GRID1: variants seen among roughly 807,000 people sequenced by gnomAD.
GRID1 encodes glutamate ionotropic receptor delta type subunit 1.
A neutral mutation model predicts 98.0 loss-of-function variants in GRID1; 28 were observed. The observed-to-expected ratio is 0.29, with a 90% CI of 0.21 to 0.39. GRID1 has a LOEUF of 0.39. Ranked by LOEUF, GRID1 falls within the 10% of genes least tolerant of loss-of-function variation. The pLI is 1.00. For missense variants in GRID1, 1,111 were observed against 1,340.5 expected (o/e 0.83, Z 2.67); for synonymous variants, 553 against 538.5 (o/e 1.03, Z -0.37).
rs1465590799 is a variant in GRID1, at chr10:85,613,635, C to A, written c.2373G>T (p.Leu791=). ...RDLFSQRILE[L]QDTGDLDVLK... is the part of the protein sequence containing the mutation. ...GCACATCCAGGTCCCCTGTGTCCTG[C>A]AGCTCCAGGATCCTGTAAGACACAA... is the stretch of plus-strand genomic sequence containing the variant. The change falls in exon 15 of 16, where the codon CTG becomes CTT. Residue 791 remains leucine (L), a synonymous_variant. Transcript: ENST00000327946. The A allele has an allele frequency of 6.2e-7, 1 of 1,613,652 alleles. No homozygotes were observed. The highest frequency in any genetic ancestry group is 1.7e-5 in the Admixed American group (1 of 60,004).
In GRID1 at chr10:85,957,457, G is replaced by T. The variant is rs554479521; in HGVS notation, c.727-41218C>A. Among the ~76,000 whole-genome samples, 5 of 152,248 alleles carry T rather than the reference G, an allele frequency of 3.3e-5. No homozygotes were observed. In the South Asian group the frequency reaches 1.0e-3, roughly 32 times the overall value. ...TTAGGTCTTGGTGTTCCCCCCGGTT[G>T]TATTAGGCAGTTAAGAAGGCATATC... On this transcript the variant is annotated intron_variant, in intron 4 of 15. Transcript: ENST00000327946.
intron 8 of GRID1, among the ~76,000 whole-genome samples, chr10:85,778,609 G>C (rs983068683): frequency 1.3e-5 from 2 of 152,190 alleles, no homozygotes; most frequent in African/African-American, 4.8e-5. Flanking sequence ...AGACAAGTTT[G>C]ACCTGTGTGC....
chr10:86,188,410 A>G (rs1012227946), intron 3 of GRID1, among the ~76,000 whole-genome samples: 53 of 152,198 alleles, frequency 3.5e-4, no homozygotes, highest in Non-Finnish European at 6.8e-4. Flanking sequence ...GCCCACCAGG[A>G]GAGCAGCCCT....
At chr10:85,920,671 T>C (rs1467948675) in intron 4 of GRID1, among the ~76,000 whole-genome samples, 13 of 152,244 alleles carry the variant, frequency 8.5e-5, no homozygotes, top group Admixed American at 2.0e-4. Context: ...TTGGCCACAG[T>C]GTGGATCGAG....
At chr10:85,827,299 G>T (rs1842828646) in intron 8 of GRID1, among the ~76,000 whole-genome samples, 1 of 151,996 alleles carries the variant, frequency 6.6e-6, no homozygotes, top group Non-Finnish European at 1.5e-5. Flanking sequence ...ATCAGATAGA[G>T]CTAAAAAACT....
chr10:85,644,352 T>C (rs1293757902), intron 13 of GRID1, among the ~76,000 whole-genome samples: 2 of 152,220 alleles, frequency 1.3e-5, no homozygotes, highest in Non-Finnish European at 2.9e-5. Context: ...TTCTCTCTTC[T>C]CTGCTGCTCT....
chr10:86,121,514 TCAC>T, intron 4 of GRID1, among the ~76,000 whole-genome samples: 1 of 2,024 alleles, frequency 4.9e-4, no homozygotes, highest in Non-Finnish European at 1.1e-3. Context: ...ACCATCATCA[TCAC>T]TACCATCATC....
intron 8 of GRID1, among the ~76,000 whole-genome samples, chr10:85,773,702 C>T (rs577139108): frequency 1.8e-4 from 28 of 152,316 alleles, no homozygotes; most frequent in South Asian, 1.0e-3. Flanking sequence ...AGAGCCAAAT[C>T]ATGAGTGAAC....
intron 2 of GRID1, among the ~76,000 whole-genome samples, chr10:86,218,745 C>A (rs542937759): frequency 6.6e-6 from 1 of 152,330 alleles, no homozygotes; most frequent in South Asian, 2.1e-4. Flanking sequence ...AACACAGGCC[C>A]TTCCTCTGAT....
chr10:86,013,109 C>T (rs1842939891), intron 4 of GRID1, among the ~76,000 whole-genome samples: 1 of 152,292 alleles, frequency 6.6e-6, no homozygotes, highest in East Asian at 1.9e-4. Flanking sequence ...TCCAGTGGGA[C>T]CTCAGACCTA....
chr10:85,760,364 T>C (rs1004786490), intron 8 of GRID1, among the ~76,000 whole-genome samples: 1 of 152,224 alleles, frequency 6.6e-6, no homozygotes, highest in African/African-American at 2.4e-5. Flanking sequence ...TCACTGTAAG[T>C]GGAAATAGTG....
At chr10:85,705,602 G>A (rs1255915432) in intron 12 of GRID1, among the ~76,000 whole-genome samples, 4 of 152,120 alleles carry the variant, frequency 2.6e-5, no homozygotes, top group Admixed American at 6.5e-5. Flanking sequence ...TCCCTAACTC[G>A]TTTTATGAGG....
chr10:86,346,299 A>C (rs1403016794), intron 2 of GRID1, among the ~76,000 whole-genome samples: 1 of 152,216 alleles, frequency 6.6e-6, no homozygotes, highest in Non-Finnish European at 1.5e-5. Context: ...TGCTTTCTCC[A>C]GCTGAAATTA....
chr10:85,831,422 C>G (rs980325084), intron 8 of GRID1, among the ~76,000 whole-genome samples: 1 of 151,586 alleles, frequency 6.6e-6, no homozygotes, highest in Admixed American at 6.6e-5. Flanking sequence ...CATATATACC[C>G]CTGAAGCTAA....
At chr10:85,907,454 C>A (rs141218887) in intron 5 of GRID1, among the ~76,000 whole-genome samples, 1 of 152,276 alleles carries the variant, frequency 6.6e-6, no homozygotes, top group East Asian at 1.9e-4. Context: ...GGAAAAATTT[C>A]TGGAAAGACA....
intron 4 of GRID1, among the ~76,000 whole-genome samples, chr10:86,024,778 C>T (rs543579232): frequency 6.6e-6 from 1 of 152,296 alleles, no homozygotes; most frequent in South Asian, 2.1e-4. Context: ...CCCCATCACT[C>T]ACTTCTGGTC....
At chr10:85,886,656 A>T (rs1841122000) in intron 5 of GRID1, among the ~76,000 whole-genome samples, 1 of 152,242 alleles carries the variant, frequency 6.6e-6, no homozygotes, top group Non-Finnish European at 1.5e-5. Flanking sequence ...CAAAGGTCTC[A>T]CTTCAAGCCA....
intron 4 of GRID1, among the ~76,000 whole-genome samples, chr10:86,118,410 A>G (rs1024301291): frequency 4.6e-4 from 70 of 152,284 alleles, no homozygotes; most frequent in African/African-American, 1.7e-3. Flanking sequence ...GGGTGCACCA[A>G]AATCTCAGAA....
Position 85,618,315 on chromosome 10 carries a change from G to C in GRID1, c.2360+1552C>G, listed in dbSNP as rs572993629. ...TGCTGCTGCTGTGTTGGCCCCATGG[G>C]CTCTCTTACCATCTGTTCTAGAGAG... On this transcript the variant is annotated intron_variant, in intron 14 of 15. Coordinates refer to ENST00000327946, the MANE Select transcript of GRID1 (RefSeq NM_017551.3). Among the ~76,000 whole-genome samples the C allele has an allele frequency of 9.2e-5, 14 of 152,298 alleles. No individual in the cohort carries two copies. In the South Asian group the frequency reaches 2.9e-3, roughly 32 times the overall value.
Sources: allele counts gnomAD v4.1 joint callset (sites outside exome capture counted in the v4.1 genomes callset), GRCh38; gene constraint gnomAD v4.1.1; transcripts MANE v1.5; gene names NCBI Gene and HGNC (gene_info 2026-07-23, HGNC 2026-07-21).